Variants in BANK1 observed in about 807,000 individuals in gnomAD.
BANK1 encodes the protein B cell scaffold protein with ankyrin repeats 1.
In BANK1, 95 loss-of-function variants were observed where a neutral mutation model predicts 94.5. That is an observed-to-expected ratio of 1.00 (90% confidence interval 0.85 to 1.19). The LOEUF (loss-of-function observed/expected upper bound fraction) is 1.19. Among genes scored for constraint, BANK1 ranks in the 50% most tolerant of loss-of-function variants. The pLI is 0.00. For missense variants in BANK1, 987 were observed against 932.2 expected (o/e 1.06, Z -0.77); for synonymous variants, 334 against 308.4 (o/e 1.08, Z -0.87).
At position 102,025,335 on chromosome 4, in the gene BANK1, G is replaced by A. The variant is rs1369703064; in HGVS notation, c.1420G>A (p.Glu474Lys). 10 of 1,614,120 alleles carry A rather than the reference G, an allele frequency of 6.2e-6. No homozygotes were observed. In the East Asian group the frequency reaches 2.0e-4, roughly 32 times the overall value. Reference protein sequence around the residue: ...SGMETKHSPLEVGSESSEDQY... With the variant: ...SGMETKHSPLKVGSESSEDQY... ...CATGGAGACCAAACACAGCCCACTA[G>A]AGGTTGGCAGTGAGAGTTCTGAAGA... is the stretch of plus-strand genomic sequence containing the variant. Residue 474 changes from glutamate (E) to lysine (K), a missense_variant, in exon 9 of 17, where the codon GAG (glutamate) becomes AAG (lysine). Glu to Lys is a moderately conservative substitution (Grantham distance 56). Coordinates refer to ENST00000322953, the MANE Select transcript of BANK1 (RefSeq NM_017935.5).
chr4:101,943,615 C>A (rs555061307), intron 7 of BANK1, among the ~76,000 whole-genome samples: 14 of 151,858 alleles, frequency 9.2e-5, no homozygotes, highest in South Asian at 2.1e-4. Context: ...CAATTTAGGA[C>A]AGATTGAGTT....
chr4:102,030,358 T>C (rs2148950734), intron 10 of BANK1, 93 bp downstream of exon 10: 1 of 1,272,960 alleles, frequency 7.9e-7, no homozygotes, highest in Non-Finnish European at 1.1e-6. Context: ...ATTAATGCTC[T>C]AAAACTCCAA....
At chr4:102,030,416 T>C (rs1016670735) in intron 10 of BANK1, 151 bp downstream of exon 10, 3 of 699,254 alleles carry the variant, frequency 4.3e-6, no homozygotes, top group Non-Finnish European at 6.8e-6. Flanking sequence ...ACTGGCTCAT[T>C]TTTTTTCCAC....
intron 7 of BANK1, among the ~76,000 whole-genome samples, chr4:101,984,502 T>C (rs890939235): frequency 6.6e-6 from 1 of 152,120 alleles, no homozygotes; most frequent in African/African-American, 2.4e-5. Context: ...AGAATTATTA[T>C]ACACATAACA....
intron 7 of BANK1, among the ~76,000 whole-genome samples, chr4:101,943,403 A>G (rs1253454904): frequency 1.3e-5 from 2 of 151,878 alleles, no homozygotes; most frequent in African/African-American, 2.4e-5. Context: ...GAACTGAGGT[A>G]GTGACAGAGG....
intron 1 of BANK1, among the ~76,000 whole-genome samples, chr4:101,824,934 A>T (rs1726307004): frequency 1.3e-5 from 2 of 152,158 alleles, no homozygotes; most frequent in African/African-American, 4.8e-5. Context: ...GCAATTGTTG[A>T]TATAAATTAT....
At chr4:101,885,153 G>A (rs1728807674) in intron 5 of BANK1, among the ~76,000 whole-genome samples, 2 of 152,334 alleles carry the variant, frequency 1.3e-5, no homozygotes, top group African/African-American at 4.8e-5. Context: ...CTGACCTCAG[G>A]TGATCCACCG....
At chr4:101,823,782 C>T (rs34125672) in intron 1 of BANK1, among the ~76,000 whole-genome samples, 10,873 of 152,208 alleles carry the variant, frequency 0.071, 636 homozygotes, top group Admixed American at 0.19. Flanking sequence ...TCTGAATTTG[C>T]ATAAAAATTT....
chr4:101,944,037 TGTGAGAGAGAGAGA>T (rs1423940330), intron 7 of BANK1, among the ~76,000 whole-genome samples: 1 of 148,058 alleles, frequency 6.8e-6, no homozygotes, highest in African/African-American at 2.5e-5. Context: ...TGTGTGTGTG[TGTGAGAGAGAGAGA>T]GAGAGAGAGA....
At chr4:101,952,731 G>C (rs1724209568) in intron 7 of BANK1, among the ~76,000 whole-genome samples, 1 of 152,002 alleles carries the variant, frequency 6.6e-6, no homozygotes, top group South Asian at 2.1e-4. Context: ...TCGTATGCTG[G>C]GCATATTAGC....
At chr4:102,003,531 G>A (rs561164911) in intron 7 of BANK1, among the ~76,000 whole-genome samples, 1 of 152,284 alleles carries the variant, frequency 6.6e-6, no homozygotes, top group South Asian at 2.1e-4. Flanking sequence ...TCACAGCATG[G>A]TGGCTGGGTT....
chr4:101,996,030 G>T (rs1725867570), intron 7 of BANK1, among the ~76,000 whole-genome samples: 2 of 152,042 alleles, frequency 1.3e-5, no homozygotes, highest in Non-Finnish European at 2.9e-5. Flanking sequence ...CCATACCTAT[G>T]TCCTGCAGGG....
chr4:101,824,666 A>ATTT (rs77304856), intron 1 of BANK1, among the ~76,000 whole-genome samples: 1 of 142,786 alleles, frequency 7.0e-6, no homozygotes, highest in African/African-American at 2.6e-5. Flanking sequence ...GCTGTAACTC[A>ATTT]TTTTTTTTTT....
intron 7 of BANK1, among the ~76,000 whole-genome samples, chr4:102,018,945 G>A (rs189810588): frequency 1.3e-5 from 2 of 151,812 alleles, no homozygotes; most frequent in East Asian, 3.9e-4. Flanking sequence ...AGCCTCCCGA[G>A]TAGCTGGGAT....
chr4:101,894,144 A>G (rs1721977285), intron 5 of BANK1, among the ~76,000 whole-genome samples: 1 of 152,032 alleles, frequency 6.6e-6, no homozygotes, highest in African/African-American at 2.4e-5. Context: ...GTGACTTTCA[A>G]CATGGTATCT....
chr4:101,991,783 A>G (rs1412800811), intron 7 of BANK1, among the ~76,000 whole-genome samples: 1 of 152,158 alleles, frequency 6.6e-6, no homozygotes, highest in Non-Finnish European at 1.5e-5. Flanking sequence ...GAAACTATGG[A>G]TTTGTCTATG....
chr4:101,800,402 G>GT (rs775335215), intron 1 of BANK1, among the ~76,000 whole-genome samples: 19 of 147,562 alleles, frequency 1.3e-4, no homozygotes, highest in Non-Finnish European at 2.4e-4. Context: ...TTCTTTTTTT[G>GT]TTTTTTTGGT....
intron 5 of BANK1, among the ~76,000 whole-genome samples, chr4:101,881,457 A>G (rs915720769): frequency 1.3e-5 from 2 of 151,996 alleles, no homozygotes; most frequent in African/African-American, 4.8e-5. Flanking sequence ...TGTGGAGAAA[A>G]CTGTTTGTCG....
At chr4:102,048,191 T>C (rs187499498) in intron 11 of BANK1, among the ~76,000 whole-genome samples, 1 of 152,238 alleles carries the variant, frequency 6.6e-6, no homozygotes, top group East Asian at 1.9e-4. Context: ...TTCCTGAACA[T>C]CAGTAATGTA....
Sources: gnomAD v4.1 joint callset for allele counts (sites outside exome capture counted in the v4.1 genomes callset) on GRCh38, gnomAD v4.1.1 for gene constraint, MANE v1.5 for transcripts, NCBI Gene and HGNC (gene_info 2026-07-23, HGNC 2026-07-21) for gene names.